Variants in USP25 observed in about 807,000 individuals in gnomAD.
USP25 encodes the protein ubiquitin carboxyl-terminal hydrolase 25.
USP25 carries 85 observed loss-of-function variants against 158.5 expected under a neutral mutation model. The observed-to-expected ratio is 0.54, with a 90% CI of 0.45 to 0.64. The LOEUF is 0.64. Among genes scored for constraint, USP25 ranks in the 30% least tolerant of loss-of-function variants. The pLI, the probability that USP25 is intolerant of heterozygous loss-of-function variation, is 0.00. For missense variants in USP25, 1,242 were observed against 1,327.3 expected, an observed-to-expected ratio of 0.94 and a Z score of 1.00; for synonymous variants, 464 against 460.4, an observed-to-expected ratio of 1.01 and a Z score of -0.10.
intron 14 of USP25, among the ~76,000 whole-genome samples, chr21:15,829,554 C>T (rs1328773167): frequency 6.6e-6 from 1 of 151,986 alleles, no homozygotes; most frequent in African/African-American, 2.4e-5. Flanking sequence ...ATTTGCATTC[C>T]CTTAGCTTCG....
chr21:15,878,171 CA>C, intron 25 of USP25, 131 bp from the exon 26 acceptor site: 1 of 1,241,384 alleles, frequency 8.1e-7, no homozygotes, highest in Non-Finnish European at 1.1e-6. Flanking sequence ...TTGCAGTTGC[CA>C]TTTATGTTTT....
At chr21:15,873,421 C>T (rs941625737) in intron 23 of USP25, among the ~76,000 whole-genome samples, 7 of 151,878 alleles carry the variant, frequency 4.6e-5, no homozygotes, top group African/African-American at 1.7e-4. Context: ...GTGCCTGGCC[C>T]CTTTTCTTCC....
At chr21:15,771,299 T>C (rs969804607) in intron 3 of USP25, among the ~76,000 whole-genome samples, 8 of 146,146 alleles carry the variant, frequency 5.5e-5, no homozygotes, top group Admixed American at 4.1e-4. Context: ...TTTTAGGTAG[T>C]GTGGAAGAGC....
chr21:15,807,650 C>G (rs1203712956), intron 7 of USP25, among the ~76,000 whole-genome samples: 1 of 152,190 alleles, frequency 6.6e-6, no homozygotes, highest in Admixed American at 6.5e-5. Flanking sequence ...CTGTCTTCCT[C>G]TTCATGTGGC....
Position 15,830,603 on chromosome 21 carries a change from T to G in USP25, c.1764+2T>G. 6.3e-7 allele frequency: 1 copy of G among 1,584,522 alleles called. No homozygotes were observed. On this transcript the variant is annotated splice_donor_variant, in intron 15 of 25. Transcript: ENST00000400183. LOFTEE classifies it high-confidence loss of function. ...TACTCTGACAAATCTATGATACAAG[T>G]AAGTGAAATTTTGAGCTAGTAATCA...
chr21:15,861,928 G>A (rs2039446184), intron 20 of USP25, among the ~76,000 whole-genome samples: 1 of 152,070 alleles, frequency 6.6e-6, no homozygotes, highest in Non-Finnish European at 1.5e-5. Context: ...ATTTGCTTGT[G>A]AAAATTAGGA....
At chr21:15,768,551 T>C (rs1396641072) in intron 3 of USP25, among the ~76,000 whole-genome samples, 1 of 152,098 alleles carries the variant, frequency 6.6e-6, no homozygotes, top group African/African-American at 2.4e-5. Flanking sequence ...TTTTAATTCT[T>C]GGAAGATGTG....
At chr21:15,868,204 G>T (rs1222438116) in intron 22 of USP25, among the ~76,000 whole-genome samples, 1 of 152,156 alleles carries the variant, frequency 6.6e-6, no homozygotes, top group Non-Finnish European at 1.5e-5. Flanking sequence ...AACATAGGTA[G>T]AAGCCCAAAG....
intron 1 of USP25, among the ~76,000 whole-genome samples, chr21:15,760,918 G>A (rs1282729227): frequency 6.6e-6 from 1 of 152,172 alleles, no homozygotes; most frequent in South Asian, 2.1e-4. Context: ...TTACTAAGCT[G>A]TGCATATTTA....
intron 17 of USP25, among the ~76,000 whole-genome samples, chr21:15,839,050 A>G (rs1386795603): frequency 6.6e-6 from 1 of 152,142 alleles, no homozygotes; most frequent in East Asian, 1.9e-4. Flanking sequence ...AGAAATACCC[A>G]TAGAACAGAT....
At chr21:15,744,361 G>T (rs114408486) in intron 1 of USP25, 3,673 of 152,416 alleles carry the variant, frequency 0.024, 136 homozygotes, top group African/African-American at 0.083. Context: ...AGGTCTCACC[G>T]TGTCACCCAG....
intron 10 of USP25, among the ~76,000 whole-genome samples, chr21:15,823,384 G>A (rs2205589): frequency 0.2 from 30,559 of 151,796 alleles, 4,810 homozygotes; most frequent in African/African-American, 0.44. Flanking sequence ...AGGAAATTAC[G>A]GCTATACTCA....
At chr21:15,818,445 T>G (rs1380025183) in intron 9 of USP25, among the ~76,000 whole-genome samples, 2 of 152,160 alleles carry the variant, frequency 1.3e-5, no homozygotes, top group Non-Finnish European at 2.9e-5. Context: ...AGAAAATGCT[T>G]CTTGCGAGAA....
chr21:15,764,074 AGTAGT>A (rs1022798086), intron 2 of USP25, among the ~76,000 whole-genome samples: 10 of 152,260 alleles, frequency 6.6e-5, no homozygotes, highest in Admixed American at 5.9e-4. Context: ...ATCATGAAAT[AGTAGT>A]GTTTAGAGCA....
intron 4 of USP25, among the ~76,000 whole-genome samples, chr21:15,788,716 T>G (rs998787920): frequency 3.9e-5 from 6 of 152,100 alleles, no homozygotes; most frequent in Non-Finnish European, 1.5e-5. Context: ...GCTTTTTTTT[T>G]GCACCACAAT....
At chr21:15,801,554 A>C (rs1037758514) in intron 6 of USP25, among the ~76,000 whole-genome samples, 6 of 151,618 alleles carry the variant, frequency 4.0e-5, no homozygotes, top group Non-Finnish European at 8.9e-5. Flanking sequence ...ACATCTTTGA[A>C]GCAAATGGAT....
chr21:15,816,965 C>T lies in USP25; in HGVS notation c.932-1733C>T, dbSNP rs551535224. Among the ~76,000 whole-genome samples the T allele has an allele frequency of 2.0e-5, 3 of 151,984 alleles. No individual in the cohort carries two copies. In the South Asian group the frequency reaches 6.3e-4, roughly 32 times the overall value. ...TGGCCAACATGGTGAAACCCCACCT[C>T]TACTGAAAATACAAAAATTAGTCGG... On this transcript the variant is annotated intron_variant, in intron 9 of 25. Transcript: ENST00000400183. The surrounding 1 kb of genome is among the most constrained non-coding windows in gnomAD (Gnocchi z 4.0).
chr21:15,734,982 T>C (rs2031346369), intron 1 of USP25, among the ~76,000 whole-genome samples: 3 of 152,226 alleles, frequency 2.0e-5, no homozygotes, highest in South Asian at 4.1e-4. Context: ...ATTTTTCTCC[T>C]TTCTTATTGA....
chr21:15,766,028 C>T lies in USP25; in HGVS notation c.155C>T (p.Ala52Val). 6.2e-7 allele frequency: 1 copy of T among 1,607,918 alleles called. No individual in the cohort carries two copies. The highest frequency in any genetic ancestry group is 8.5e-7 in the Non-Finnish European group (1 of 1,176,850). The part of the protein sequence containing the change: ...DSNGNLELAV[A>V]FLTAKNAKTP... ...AATGGAAACTTGGAATTAGCAGTGG[C>T]TTTCCTTACTGCGAAGAATGCTAAG... Residue 52 changes from alanine (A) to valine (V), a missense_variant, in exon 3 of 26, where the codon GCT becomes GTT. Ala to Val is a moderately conservative substitution (Grantham distance 64). Transcript: ENST00000400183. This position sits in a 1 kb window ranked among gnomAD's most constrained non-coding sequence, Gnocchi z 4.0.
Sources: gnomAD v4.1 joint callset for allele counts (sites outside exome capture counted in the v4.1 genomes callset) on GRCh38, gnomAD v4.1.1 for gene constraint, Gnocchi (gnomAD v3.1) non-coding constraint, MANE v1.5 for transcripts, NCBI Gene and HGNC (gene_info 2026-07-23, HGNC 2026-07-21) for gene names.